The following MCEE variants were observed in gnomAD, a reference collection of about 807,000 sequenced individuals.
The protein encoded by MCEE is methylmalonyl-CoA epimerase, mitochondrial.
In MCEE, 6 loss-of-function variants were observed where a neutral mutation model predicts 12.9. That is an observed-to-expected ratio of 0.47 (90% confidence interval 0.26 to 0.92). The LOEUF (loss-of-function observed/expected upper bound fraction) is 0.92. Among genes scored for constraint, MCEE ranks in the 40% least tolerant of loss-of-function variants. MCEE has a pLI of 0.16. For synonymous variants in MCEE, 78 were observed against 77.9 expected, an observed-to-expected ratio of 1.00 and a Z score of -0.01; for missense variants, 214 against 212.1, an observed-to-expected ratio of 1.01 and a Z score of -0.05.
chr2:71,120,895 G>A (rs550785989), intron 2 of MCEE, among the ~76,000 whole-genome samples: 15 of 151,974 alleles, frequency 9.9e-5, no homozygotes, highest in Admixed American at 2.6e-4. Context: ...GCGCCGCCAC[G>A]TCCAGCTAAT....
intron 2 of MCEE, 122 bp downstream of exon 2, chr2:71,124,084 C>T (rs528819389): frequency 2.1e-4 from 147 of 715,724 alleles, no homozygotes; most frequent in Non-Finnish European, 3.0e-4. Flanking sequence ...TGAATATTAT[C>T]ATTCTCCTTA....
At position 71,124,576 on chromosome 2, in the gene MCEE, T is replaced by C; in HGVS notation, c.41-33A>G. The stretch of plus-strand genomic sequence containing the variant: ...ATTGAACAGCCATTGATATCCTTCT[T>C]TTGAGAATTAACGCACTTCTAAATT... On this transcript the variant is annotated intron_variant, in intron 1 of 2. Transcript: ENST00000244217. 1.3e-6 allele frequency: 2 copies of C among 1,534,490 alleles called. 1 individual carries two copies. Among genetic ancestry groups the C allele is most frequent in the East Asian group, 4.5e-5 (2 of 44,478 alleles).
intron 1 of MCEE, among the ~76,000 whole-genome samples, chr2:71,125,211 A>ATATTTTATT: frequency 4.1e-5 from 2 of 48,594 alleles, no homozygotes; most frequent in African/African-American, 1.2e-4. Context: ...ATATATATAT[A>ATATTTTATT]TTTTTTTTTT....
intron 2 of MCEE, among the ~76,000 whole-genome samples, chr2:71,113,126 T>G (rs1672922594): frequency 6.6e-6 from 1 of 152,192 alleles, no homozygotes; most frequent in Admixed American, 6.5e-5. Flanking sequence ...GATGGATGGC[T>G]GATAGTGGGA....
Position 71,124,384 on chromosome 2 carries a change from T to G in MCEE, c.200A>C (p.Asn67Thr), listed in dbSNP as rs377300377. ...TTCACTTACCTGGGCCCCCAGAATA[T>G]TCTTATAAAATGCTGCAGCCTTTTC... ...DLEKAAAFYK[N>T]ILGAQVSEAV... Residue 67 changes from asparagine (N) to threonine (T), a missense_variant, in exon 2 of 3, where the codon AAT becomes ACT. Transcript: ENST00000244217. The G allele has an allele frequency of 5.0e-6, 8 of 1,614,044 alleles. No individual in the cohort carries two copies. Among genetic ancestry groups the G allele is most frequent in the African/African-American group, 4.0e-5 (3 of 74,910 alleles).
intron 1 of MCEE, among the ~76,000 whole-genome samples, chr2:71,124,929 C>T (rs893431685): frequency 2.0e-5 from 3 of 151,786 alleles, no homozygotes; most frequent in African/African-American, 7.3e-5. Context: ...TACCTGTACC[C>T]AATTTTTTGT....
At chr2:71,120,903 A>G (rs1673088903) in intron 2 of MCEE, among the ~76,000 whole-genome samples, 2 of 152,048 alleles carry the variant, frequency 1.3e-5, no homozygotes, top group African/African-American at 2.4e-5. Flanking sequence ...ACGTCCAGCT[A>G]ATTTTTGTAT....
intron 1 of MCEE, among the ~76,000 whole-genome samples, chr2:71,126,568 C>CAAAAAA (rs70959207): frequency 5.5e-5 from 4 of 72,144 alleles, no homozygotes; most frequent in Admixed American, 3.7e-4. Context: ...TACATTTTAC[C>CAAAAAA]AAAAAAAAAA....
At chr2:71,127,307 CA>C (rs1333382544) in intron 1 of MCEE, among the ~76,000 whole-genome samples, 2 of 152,216 alleles carry the variant, frequency 1.3e-5, no homozygotes, top group Non-Finnish European at 2.9e-5. Context: ...TCTTTCAGTT[CA>C]GATTTTGCAT....
intron 2 of MCEE, 82 bp from the exon 3 acceptor site, chr2:71,110,204 T>C: frequency 8.4e-7 from 1 of 1,191,390 alleles, no homozygotes; most frequent in Middle Eastern, 2.5e-4. Flanking sequence ...GAAAAAACTT[T>C]GAGAGCTCAT....
intron 1 of MCEE, among the ~76,000 whole-genome samples, chr2:71,125,211 A>ATATATATATATATT: frequency 2.1e-5 from 1 of 48,590 alleles, no homozygotes; most frequent in African/African-American, 6.0e-5. Flanking sequence ...ATATATATAT[A>ATATATATATATATT]TTTTTTTTTT....
At chr2:71,127,053 AAT>A (rs1303440795) in intron 1 of MCEE, among the ~76,000 whole-genome samples, 1 of 152,230 alleles carries the variant, frequency 6.6e-6, no homozygotes, top group African/African-American at 2.4e-5. Context: ...GCTTTGCATG[AAT>A]ATACTACAGT....
chr2:71,124,609 A>T (rs886110027), intron 1 of MCEE, 66 bp from the exon 2 acceptor site: 4 of 1,261,380 alleles, frequency 3.2e-6, no homozygotes, highest in East Asian at 2.3e-5. Context: ...ATTGAATTTT[A>T]AAAACTAAAC....
intron 1 of MCEE, among the ~76,000 whole-genome samples, chr2:71,125,207 A>ATT (rs1217307224): frequency 0.057 from 2,657 of 46,262 alleles, 136 homozygotes; most frequent in African/African-American, 0.12. Context: ...ATATATATAT[A>ATT]TATATTTTTT....
At chr2:71,110,189 A>G (rs935427375) in intron 2 of MCEE, 67 bp from the exon 3 acceptor site, 15 of 1,469,050 alleles carry the variant, frequency 1.0e-5, no homozygotes, top group Non-Finnish European at 1.4e-5. Flanking sequence ...GTATCATAAG[A>G]CTTAGAAAAA....
chr2:71,113,706 A>C (rs1434036539), intron 2 of MCEE, among the ~76,000 whole-genome samples: 1 of 152,216 alleles, frequency 6.6e-6, no homozygotes, highest in Non-Finnish European at 1.5e-5. Flanking sequence ...TCATAAAATA[A>C]ATATCCACAA....
rs184187316 is a variant in MCEE at position 71,115,957 on chromosome 2, T to G, written c.379-5835A>C. On this transcript the variant is annotated intron_variant, in intron 2 of 2. Coordinates refer to ENST00000244217, the MANE Select transcript of MCEE (RefSeq NM_032601.4). ...TGCACATGTATCCCAGAACTTAAAG[T>G]ATTAATTTAAAAAAGGGGGGGGTTA... Among the ~76,000 whole-genome samples the G allele has an allele frequency of 2.7e-5, 4 of 149,228 alleles. No individual in the cohort carries two copies. The East Asian group carries it at 7.8e-4, about 29-fold the overall frequency.
At chr2:71,118,731 CTCCTAACACCA>C in intron 2 of MCEE, among the ~76,000 whole-genome samples, 1 of 150,170 alleles carries the variant, frequency 6.7e-6, no homozygotes, top group South Asian at 2.1e-4. Flanking sequence ...AAGGCCCCAC[CTCCTAACACCA>C]TCACTTTGGG....
chr2:71,122,650 A>G (rs1558746945), intron 2 of MCEE, among the ~76,000 whole-genome samples: 1 of 152,214 alleles, frequency 6.6e-6, no homozygotes. Context: ...CTTATTCACT[A>G]TCACAAGAAC....
Sources: gnomAD v4.1 joint callset for allele counts (sites outside exome capture counted in the v4.1 genomes callset) on GRCh38, gnomAD v4.1.1 for gene constraint, MANE v1.5 for transcripts, NCBI Gene and HGNC (gene_info 2026-07-23, HGNC 2026-07-21) for gene names.